Variants in TMEFF2 observed in about 807,000 individuals in gnomAD.
TMEFF2 encodes tomoregulin-2.
In TMEFF2, 28 loss-of-function variants were observed where a neutral mutation model predicts 53.8. That is an observed-to-expected ratio of 0.52 (90% CI 0.39 to 0.71). The LOEUF (loss-of-function observed/expected upper bound fraction) is 0.71, where lower values mean the gene tolerates loss of function less well. TMEFF2 is among the 30% of genes least tolerant of loss of function. TMEFF2 has a pLI of 0.00. For synonymous variants in TMEFF2, 162 were observed against 166.3 expected (o/e 0.97, Z 0.20); for missense variants, 353 against 455.2 (o/e 0.78, Z 2.04).
At chr2:192,054,278 C>T (rs1369131988) in intron 5 of TMEFF2, among the ~76,000 whole-genome samples, 2 of 151,998 alleles carry the variant, frequency 1.3e-5, no homozygotes, top group African/African-American at 2.4e-5. Flanking sequence ...GGCTATGCTT[C>T]TCCCAGCAAC....
In TMEFF2 at chr2:192,191,646, G is replaced by A. The variant is rs906515854; in HGVS notation, c.282+234C>T. ...ATAATTTTCCTTTGACATCCCAAAA[G>A]CACAACCTGAAGCTTTCTACCTCCA... On this transcript the variant is annotated intron_variant, in intron 2 of 9. Coordinates refer to ENST00000272771, the MANE Select transcript of TMEFF2 (RefSeq NM_016192.4). Among the ~76,000 whole-genome samples the A allele has an allele frequency of 7.2e-5, 11 of 152,072 alleles. No individual in the cohort carries two copies. The East Asian group carries it at 1.3e-3, about 19-fold the overall frequency.
At chr2:192,057,420 A>AT (rs1687936943) in intron 5 of TMEFF2, among the ~76,000 whole-genome samples, 1 of 151,836 alleles carries the variant, frequency 6.6e-6, no homozygotes, top group African/African-American at 2.4e-5. Flanking sequence ...TTCCCTCTAT[A>AT]TCCTAACATT....
At chr2:191,996,023 G>GAA (rs34269941) in intron 7 of TMEFF2, among the ~76,000 whole-genome samples, 14 of 149,642 alleles carry the variant, frequency 9.4e-5, no homozygotes, top group African/African-American at 3.2e-4. Context: ...AGTAAGATAG[G>GAA]AAAAAAAAAT....
intron 4 of TMEFF2, chr2:192,177,213 C>G (rs1480568272): frequency 2.0e-5 from 3 of 151,084 alleles, no homozygotes; most frequent in African/African-American, 7.3e-5. Context: ...TCTGCCCTCT[C>G]AAAACCTTGG....
At chr2:192,184,902 A>G (rs1691273871) in intron 2 of TMEFF2, among the ~76,000 whole-genome samples, 1 of 152,146 alleles carries the variant, frequency 6.6e-6, no homozygotes, top group African/African-American at 2.4e-5. Context: ...GAGTGGAAAT[A>G]TATAGCCAAA....
intron 4 of TMEFF2, among the ~76,000 whole-genome samples, chr2:192,058,572 G>A (rs1687969123): frequency 6.6e-6 from 1 of 152,088 alleles, no homozygotes; most frequent in Non-Finnish European, 1.5e-5. Flanking sequence ...ATACAACAGT[G>A]TAAATTGAGA....
intron 9 of TMEFF2, among the ~76,000 whole-genome samples, chr2:191,952,766 G>A (rs1432289852): frequency 6.6e-6 from 1 of 152,060 alleles, no homozygotes; most frequent in Admixed American, 6.5e-5. Flanking sequence ...CTAAAGATAC[G>A]ATACTTTCTT....
chr2:192,112,769 A>C (rs1689314648), intron 4 of TMEFF2, among the ~76,000 whole-genome samples: 1 of 152,104 alleles, frequency 6.6e-6, no homozygotes, highest in South Asian at 2.1e-4. Flanking sequence ...GTGGGAGATA[A>C]TTAAATAATG....
intron 7 of TMEFF2, among the ~76,000 whole-genome samples, chr2:191,989,851 C>CA (rs1686060660): frequency 6.6e-6 from 1 of 152,134 alleles, no homozygotes; most frequent in Admixed American, 6.6e-5. Flanking sequence ...CCAGAACTGG[C>CA]AAATTCCCTT....
chr2:192,007,075 T>G (rs1391252218), intron 5 of TMEFF2, among the ~76,000 whole-genome samples: 3 of 152,240 alleles, frequency 2.0e-5, no homozygotes, highest in African/African-American at 7.2e-5. Context: ...TTGAGAAATC[T>G]CAGCTACTCT....
intron 4 of TMEFF2, among the ~76,000 whole-genome samples, chr2:192,116,032 T>C (rs1353634808): frequency 6.6e-6 from 1 of 152,006 alleles, no homozygotes; most frequent in Non-Finnish European, 1.5e-5. Flanking sequence ...TATCTGCACT[T>C]CCATGTTCAT....
intron 7 of TMEFF2, among the ~76,000 whole-genome samples, chr2:191,989,849 G>T (rs181359226): frequency 2.0e-5 from 3 of 152,130 alleles, no homozygotes; most frequent in Non-Finnish European, 4.4e-5. Flanking sequence ...CTCCAGAACT[G>T]GCAAATTCCC....
chr2:192,042,834 G>T (rs576702183), intron 5 of TMEFF2, among the ~76,000 whole-genome samples: 53 of 152,270 alleles, frequency 3.5e-4, no homozygotes, highest in African/African-American at 1.3e-3. Flanking sequence ...GAATGCTAGA[G>T]TCAATTTGTC....
chr2:191,949,815 ATAAAG>A lies in TMEFF2; in HGVS notation c.*491_*495del, dbSNP rs1266707814. On this transcript the variant is annotated 3_prime_UTR_variant, in exon 10 of 10. Coordinates refer to ENST00000272771, the MANE Select transcript of TMEFF2 (RefSeq NM_016192.4). ...CGGAAATATTTTATCCTCACTCGATATAAAGTAAATTATTTTTTCTCTTTTCCAAT... is the reference window on the plus strand; with the variant it reads ...CGGAAATATTTTATCCTCACTCGATATAAATTATTTTTTCTCTTTTCCAAT... The A allele has an allele frequency of 2.6e-5, 26 of 985,440 alleles. No homozygotes were observed. Among genetic ancestry groups the A allele is most frequent in the South Asian group, 2.3e-4 (5 of 21,288 alleles). 61.0% of individuals were successfully genotyped at this position (985,440 alleles called of 1,614,324 possible).
intron 4 of TMEFF2, among the ~76,000 whole-genome samples, chr2:192,132,303 T>A (rs1689859910): frequency 6.6e-6 from 1 of 151,896 alleles, no homozygotes; most frequent in South Asian, 2.1e-4. Flanking sequence ...TGCTCCTTTT[T>A]CTTTATCCCA....
rs1393956343 is a variant in TMEFF2, at chr2:192,039,783, A to C, written c.536+17896T>G. 2.0e-5 allele frequency among the ~76,000 whole-genome samples: 3 copies of C among 152,162 alleles called. No individual in the cohort carries two copies. In the East Asian group the frequency reaches 5.8e-4, roughly 29 times the overall value. On this transcript the variant is annotated intron_variant, in intron 5 of 9. Coordinates refer to ENST00000272771, the MANE Select transcript of TMEFF2 (RefSeq NM_016192.4). ...CTTAGTTTTGCTGTCTGTGAATGTG[A>C]ATTATAATTTTAAAGATTCACATTA...
intron 4 of TMEFF2, among the ~76,000 whole-genome samples, chr2:192,109,566 A>C (rs1032619908): frequency 1.3e-5 from 2 of 152,154 alleles, no homozygotes; most frequent in African/African-American, 4.8e-5. Flanking sequence ...TGTTATAGAT[A>C]AGATAAAAAT....
intron 5 of TMEFF2, among the ~76,000 whole-genome samples, chr2:192,047,045 C>G (rs1426906962): frequency 6.6e-6 from 1 of 152,006 alleles, no homozygotes. Context: ...TTTAGCCTCC[C>G]AAGTAGCTGG....
intron 4 of TMEFF2, among the ~76,000 whole-genome samples, chr2:192,091,388 CT>C (rs1447970151): frequency 6.6e-6 from 1 of 152,108 alleles, no homozygotes; most frequent in African/African-American, 2.4e-5. Context: ...TCCCCTGCCC[CT>C]AACTCCCCTT....
Sources: allele counts gnomAD v4.1 joint callset (sites outside exome capture counted in the v4.1 genomes callset), GRCh38; gene constraint gnomAD v4.1.1; transcripts MANE v1.5; gene names NCBI Gene and HGNC (gene_info 2026-07-23, HGNC 2026-07-21).